DOCK10: variants seen among roughly 807,000 people sequenced by gnomAD.
DOCK10 encodes dedicator of cytokinesis protein 10.
In DOCK10, 145 loss-of-function variants were observed where a neutral mutation model predicts 280.1. The observed-to-expected ratio is 0.52, with a 90% CI of 0.45 to 0.59. DOCK10 has a LOEUF of 0.59. Among genes scored for constraint, DOCK10 ranks in the 20% least tolerant of loss-of-function variants. The pLI, the probability that DOCK10 is intolerant of heterozygous loss-of-function variation, is 0.00. For missense variants in DOCK10, 2,368 were observed against 2,651.7 expected (o/e 0.89, Z 2.35); for synonymous variants, 915 against 942.2 (o/e 0.97, Z 0.53).
chr2:224,812,734 C>A (rs1020689036), intron 31 of DOCK10, among the ~76,000 whole-genome samples: 5 of 152,136 alleles, frequency 3.3e-5, no homozygotes, highest in East Asian at 1.9e-4. Flanking sequence ...TTCTGCATCT[C>A]TTGAGATAAT....
At chr2:224,807,329 CA>C (rs796068785) in intron 33 of DOCK10, 37 of 197,892 alleles carry the variant, frequency 1.9e-4, no homozygotes, top group African/African-American at 7.2e-4. Flanking sequence ...ATTCTGACAC[CA>C]GGGGGGGATG....
At chr2:224,830,647 A>G (rs1181717008) in intron 26 of DOCK10, 35 bp from the exon 27 acceptor site, 2 of 1,274,566 alleles carry the variant, frequency 1.6e-6, no homozygotes, top group African/African-American at 1.5e-5. Context: ...GACATTTATT[A>G]TCCTATGGCA....
chr2:224,804,770 C>A (rs1693271565), intron 38 of DOCK10, 24 bp downstream of exon 38: 2 of 1,426,396 alleles, frequency 1.4e-6, no homozygotes, highest in African/African-American at 1.5e-5. Context: ...ACCAGATTAA[C>A]CTATTGGAAT....
chr2:224,821,920 A>G (rs560252326), intron 28 of DOCK10, among the ~76,000 whole-genome samples: 93 of 152,324 alleles, frequency 6.1e-4, no homozygotes, highest in African/African-American at 2.1e-3. Flanking sequence ...AGTAAAAATC[A>G]GAGACAAAAC....
chr2:224,822,501 A>G (rs79771851), intron 28 of DOCK10, among the ~76,000 whole-genome samples: 1 of 152,254 alleles, frequency 6.6e-6, no homozygotes, highest in African/African-American at 2.4e-5. Flanking sequence ...TAGGGAGGCC[A>G]ATCTCTTGAG....
rs530817949 is a variant in DOCK10, at chr2:224,872,567, A to G, written c.1257+1429T>C. On this transcript the variant is annotated intron_variant, in intron 11 of 55. Coordinates refer to ENST00000258390, the MANE Select transcript of DOCK10 (RefSeq NM_014689.3). Reference sequence around the variant, plus strand: ...GCTCAAAGCAAATCACTGAGGTGCTAAAGACACAGGTCAGTAGGTATCAAG... The same window carrying G: ...GCTCAAAGCAAATCACTGAGGTGCTGAAGACACAGGTCAGTAGGTATCAAG... Among the ~76,000 whole-genome samples, 5 of 152,342 alleles carry G rather than the reference A, an allele frequency of 3.3e-5. 1 individual carries two copies. In the South Asian group the frequency reaches 1.0e-3, roughly 32 times the overall value.
At chr2:224,804,874 T>G (rs1452077728) in intron 37 of DOCK10, 33 bp from the exon 38 acceptor site, 1 of 1,439,836 alleles carries the variant, frequency 6.9e-7, no homozygotes, top group Non-Finnish European at 9.3e-7. Flanking sequence ...ATTTTAATTA[T>G]TCATATTCTT....
chr2:224,777,098 T>C (rs748994563), intron 51 of DOCK10, among the ~76,000 whole-genome samples: 5 of 152,148 alleles, frequency 3.3e-5, no homozygotes, highest in African/African-American at 4.8e-5. Flanking sequence ...TTGATAGAGG[T>C]TGGCTAACTG....
chr2:225,036,412 G>A (rs1690261387), intron 1 of DOCK10, among the ~76,000 whole-genome samples: 1 of 152,188 alleles, frequency 6.6e-6, no homozygotes, highest in South Asian at 2.1e-4. Flanking sequence ...AAACCACATT[G>A]TATTGGACCC....
intron 4 of DOCK10, among the ~76,000 whole-genome samples, chr2:224,894,834 A>G (rs774341980): frequency 2.0e-5 from 3 of 152,232 alleles, no homozygotes; most frequent in Non-Finnish European, 4.4e-5. Context: ...CCACCCCTGC[A>G]GTCCCATTCT....
chr2:224,931,521 C>G, intron 2 of DOCK10, 28 bp downstream of exon 2: 1 of 1,582,130 alleles, frequency 6.3e-7, no homozygotes, highest in Non-Finnish European at 8.6e-7. Flanking sequence ...CCTCCTGAAT[C>G]TAAATGGCTT....
chr2:224,887,088 A>T (rs190432763), intron 4 of DOCK10, among the ~76,000 whole-genome samples: 1 of 152,264 alleles, frequency 6.6e-6, no homozygotes, highest in Admixed American at 6.5e-5. Context: ...ACTTACACAT[A>T]TCTTTTTGAG....
chr2:224,836,109 T>C (rs1357071837), intron 25 of DOCK10, among the ~76,000 whole-genome samples: 3 of 152,198 alleles, frequency 2.0e-5, no homozygotes, highest in African/African-American at 7.2e-5. Flanking sequence ...AGGAAAATAA[T>C]ATGTGTTGAA....
At chr2:224,886,413 A>C in intron 5 of DOCK10, 46 bp downstream of exon 5, 1 of 1,554,124 alleles carries the variant, frequency 6.4e-7, no homozygotes, top group Non-Finnish European at 8.9e-7. Flanking sequence ...GACAGAAACT[A>C]ATTATCCTCA....
At chr2:224,768,368 CAGG>C (rs1330700080) in intron 55 of DOCK10, among the ~76,000 whole-genome samples, 1 of 152,116 alleles carries the variant, frequency 6.6e-6, no homozygotes, top group Non-Finnish European at 1.5e-5. Flanking sequence ...AGTTCAGAAC[CAGG>C]AGAAGGTGTA....
chr2:224,845,108 T>C (rs2125493673), intron 21 of DOCK10, 95 bp downstream of exon 21: 2 of 1,279,712 alleles, frequency 1.6e-6, no homozygotes, highest in East Asian at 2.5e-5. Flanking sequence ...AAGGGACATG[T>C]CCACTATGAT....
At chr2:224,931,762 CT>C in intron 1 of DOCK10, 94 bp from the exon 2 acceptor site, 24 of 1,360,214 alleles carry the variant, frequency 1.8e-5, no homozygotes, top group Non-Finnish European at 2.4e-5. Flanking sequence ...ATCATTGAGG[CT>C]TTAACACTGC....
intron 53 of DOCK10, among the ~76,000 whole-genome samples, chr2:224,771,586 A>G (rs1214606734): frequency 6.6e-6 from 1 of 152,214 alleles, no homozygotes; most frequent in Non-Finnish European, 1.5e-5. Flanking sequence ...CATATCCCTT[A>G]GTGCATAGAA....
intron 1 of DOCK10, among the ~76,000 whole-genome samples, chr2:225,015,868 G>A (rs1689576316): frequency 1.3e-5 from 2 of 151,872 alleles, no homozygotes; most frequent in South Asian, 4.2e-4. Flanking sequence ...ATTTGGTAAG[G>A]GTATTAAAGT....
Sources: allele counts gnomAD v4.1 joint callset (sites outside exome capture counted in the v4.1 genomes callset), GRCh38; gene constraint gnomAD v4.1.1; transcripts MANE v1.5; gene names NCBI Gene and HGNC (gene_info 2026-07-23, HGNC 2026-07-21).